Variants in ZBTB45 observed in about 807,000 individuals in gnomAD.
ZBTB45 encodes the protein zinc finger and BTB domain containing 45.
In ZBTB45, 22 loss-of-function variants were observed where a neutral mutation model predicts 28.4. That is an observed-to-expected ratio of 0.77 (90% CI 0.55 to 1.10). The LOEUF is 1.10. Ranked by LOEUF, ZBTB45 falls within the 50% of genes least tolerant of loss-of-function variation. ZBTB45 has a pLI of 0.00. For missense variants in ZBTB45, 656 were observed against 750.2 expected, an observed-to-expected ratio of 0.87 and a Z score of 1.47; for synonymous variants, 361 against 332.3, an observed-to-expected ratio of 1.09 and a Z score of -0.94.
At position 58,514,229 on chromosome 19, in the gene ZBTB45, G is replaced by C; in HGVS notation, c.1361C>G (p.Thr454Ser). ...DYLLKHMVTH[T>S]GVRAFQCAVC... ...GGCGCACTGGAAGGCGCGCACGCCGGTGTGCGTGACCATGTGTTTGAGCAG... is the reference window on the plus strand; with the variant it reads ...GGCGCACTGGAAGGCGCGCACGCCGCTGTGCGTGACCATGTGTTTGAGCAG... Residue 454 changes from threonine (T) to serine (S), a missense_variant, in exon 3 of 3, where the codon ACC becomes AGC. Around this residue, in one of 3 missense-constraint regions of ZBTB45, gnomAD observed 103 missense variants for 153.5 expected, o/e 0.67. Coordinates refer to ENST00000594051, the MANE Select transcript of ZBTB45 (RefSeq NM_001316979.2). The C allele has an allele frequency of 6.2e-7, 1 of 1,612,686 alleles. No homozygotes were observed. The highest frequency in any genetic ancestry group is 8.5e-7 in the Non-Finnish European group (1 of 1,179,670).
rs147115651 is a variant in ZBTB45 at position 58,516,441 on chromosome 19, C to T, written c.1233G>A (p.Thr411=). 196 of 1,614,016 alleles carry T rather than the reference C, an allele frequency of 1.2e-4. No homozygotes were observed. In the East Asian group the frequency reaches 1.9e-3, roughly 16 times the overall value. Residue 411 remains threonine, a synonymous_variant, in exon 2 of 3, where the codon ACG becomes ACA. Transcript: ENST00000594051. This position sits in a 1 kb window ranked among gnomAD's most constrained non-coding sequence, Gnocchi z 6.2. ...TGGTGTAGTTTTTCCGGGAGCTGAA[C>T]GTCTTGCGACAGTGGCTGCACTCAT... ...PTYECSHCRK[T]FSSRKNYTKH... is the part of the protein sequence containing the mutation.
intron 1 of ZBTB45, among the ~76,000 whole-genome samples, chr19:58,527,723 T>A (rs1247085582): frequency 6.6e-6 from 1 of 152,178 alleles, no homozygotes; most frequent in Non-Finnish European, 1.5e-5. Flanking sequence ...GGCCAAGGCC[T>A]CAGTCCAGGA....
At chr19:58,535,099 C>T (rs2053653845) in intron 1 of ZBTB45, among the ~76,000 whole-genome samples, 1 of 151,636 alleles carries the variant, frequency 6.6e-6, no homozygotes. Context: ...TCTCGAACTC[C>T]TGACCTCATG....
At chr19:58,523,950 T>C (rs2053591907), upstream of ZBTB45, among the ~76,000 whole-genome samples, 1 of 117,808 alleles carries the variant, frequency 8.5e-6, no homozygotes. Context: ...AGCAGGGGCC[T>C]GTAGTCCCAG....
Position 58,514,006 on chromosome 19 carries a change from T to G in ZBTB45, c.*48A>C, listed in dbSNP as rs2122544094. 1 of 1,366,880 alleles carries G rather than the reference T, an allele frequency of 7.3e-7. No homozygotes were observed. The highest frequency in any genetic ancestry group is 3.0e-5 in the East Asian group (1 of 33,732). The allele number at this position is 1,366,880 out of a possible 1,614,324, so 84.7% of individuals were successfully genotyped here. A position where few individuals can be genotyped will look rare whatever the true frequency, so the allele number is the denominator to read the frequency against. ...GTCCCGCAGCGGGCGTGGCCGACTG[T>G]GCGGGAGGCCCCGGATCCACCGTGG... On this transcript the variant is annotated 3_prime_UTR_variant, in exon 3 of 3. Transcript: ENST00000594051.
chr19:58,514,386 C>CT, intron 2 of ZBTB45, 76 bp from the exon 3 acceptor site: 2 of 1,461,612 alleles, frequency 1.4e-6, no homozygotes, highest in Non-Finnish European at 1.8e-6. Flanking sequence ...CCACCCCCAC[C>CT]TGGGCTCCTG....
chr19:58,521,446 A>C (rs1459752323), upstream of ZBTB45, among the ~76,000 whole-genome samples: 1 of 151,946 alleles, frequency 6.6e-6, no homozygotes, highest in Non-Finnish European at 1.5e-5. Context: ...TTCCGCCCAC[A>C]ACCTGAATGA....
intron 1 of ZBTB45, among the ~76,000 whole-genome samples, chr19:58,529,551 C>G (rs948071231): frequency 1.3e-5 from 2 of 152,206 alleles, no homozygotes; most frequent in African/African-American, 4.8e-5. Flanking sequence ...TTTCTCCCCT[C>G]TCCTCAGTCC....
At chr19:58,536,836 T>G (rs2053662994) in intron 1 of ZBTB45, among the ~76,000 whole-genome samples, 1 of 152,100 alleles carries the variant, frequency 6.6e-6, no homozygotes, top group Non-Finnish European at 1.5e-5. Context: ...TCAGGTGGCC[T>G]GGGTGCAGTC....
At chr19:58,521,843 G>T (rs1033324496), upstream of ZBTB45, among the ~76,000 whole-genome samples, 1 of 152,106 alleles carries the variant, frequency 6.6e-6, no homozygotes, top group Non-Finnish European at 1.5e-5. Flanking sequence ...CCAGAGGACA[G>T]AGGGACTCGG....
Position 58,515,956 on chromosome 19 carries a change from T to C in ZBTB45, c.1279+439A>G, listed in dbSNP as rs2053487224. Among the ~76,000 whole-genome samples, 1 of 152,122 alleles carries C rather than the reference T, an allele frequency of 6.6e-6. No homozygotes were observed. The highest frequency in any genetic ancestry group is 6.5e-5 in the Admixed American group (1 of 15,276). ...CTTCATCCCACCACCTCTGAGGGCTTTCTACCCCTGGGCCTGTAAACCCAT... is the reference window on the plus strand; with the variant it reads ...CTTCATCCCACCACCTCTGAGGGCTCTCTACCCCTGGGCCTGTAAACCCAT... On this transcript the variant is annotated intron_variant, in intron 2 of 2. Coordinates refer to ENST00000594051, the MANE Select transcript of ZBTB45 (RefSeq NM_001316979.2). This position sits in a 1 kb window ranked among gnomAD's most constrained non-coding sequence, Gnocchi z 4.7.
chr19:58,538,245 C>T (rs2053671570), intron 1 of ZBTB45, among the ~76,000 whole-genome samples: 2 of 151,572 alleles, frequency 1.3e-5, no homozygotes, highest in South Asian at 2.1e-4. Flanking sequence ...GACAGGGCCT[C>T]GCTCTGCAGT....
intron 1 of ZBTB45, among the ~76,000 whole-genome samples, chr19:58,526,959 C>G (rs1440318397): frequency 6.6e-6 from 1 of 152,150 alleles, no homozygotes; most frequent in African/African-American, 2.4e-5. Flanking sequence ...TCCCGAGAAG[C>G]TGGGACTACA....
At chr19:58,535,412 A>G (rs1235585093) in intron 1 of ZBTB45, among the ~76,000 whole-genome samples, 1 of 151,662 alleles carries the variant, frequency 6.6e-6, no homozygotes, top group African/African-American at 2.4e-5. Flanking sequence ...AGGCAGGTGG[A>G]TCACCTGAGA....
upstream of ZBTB45, among the ~76,000 whole-genome samples, chr19:58,522,884 A>C (rs1026808766): frequency 3.3e-5 from 5 of 152,126 alleles, no homozygotes; most frequent in African/African-American, 1.2e-4. Context: ...GAGGGGGGGA[A>C]GCCATGTCCC....
chr19:58,517,495 T>A lies in ZBTB45; in HGVS notation c.179A>T (p.Asp60Val). Residue 60 changes from aspartate (D) to valine (V), a missense_variant, in exon 2 of 3, where the codon GAC becomes GTC. Around this residue, in one of 3 missense-constraint regions of ZBTB45, gnomAD observed 105 missense variants for 152.4 expected, o/e 0.69. Transcript: ENST00000594051. ...VLAAGSPFFQ[D>V]KLLLGHSEIR... is the part of the protein sequence containing the mutation. ...CTCAGAGTGGCCGAGCAGCAGCTTG[T>A]CTTGGAAGAAGGGTGAGCCGGCCGC... The A allele has an allele frequency of 6.2e-7, 1 of 1,613,262 alleles. No homozygotes were observed. The highest frequency in any genetic ancestry group is 8.5e-7 in the Non-Finnish European group (1 of 1,179,972).
intron 1 of ZBTB45, among the ~76,000 whole-genome samples, chr19:58,529,172 G>A (rs577759684): frequency 7.2e-5 from 11 of 152,224 alleles, no homozygotes; most frequent in African/African-American, 2.6e-4. Flanking sequence ...GGATGTGGTG[G>A]CTCACATCTG....
At chr19:58,524,387 A>AT (rs1464476593), upstream of ZBTB45, among the ~76,000 whole-genome samples, 1 of 140,962 alleles carries the variant, frequency 7.1e-6, no homozygotes, top group Non-Finnish European at 1.6e-5. Flanking sequence ...AATAATAATA[A>AT]AAAGAATGTG....
intron 1 of ZBTB45, among the ~76,000 whole-genome samples, chr19:58,532,605 G>C (rs1443400429): frequency 6.6e-6 from 1 of 152,156 alleles, no homozygotes; most frequent in Non-Finnish European, 1.5e-5. Context: ...GGAGTGCAGT[G>C]TCACAATCTC....
Sources: allele counts gnomAD v4.1 joint callset (sites outside exome capture counted in the v4.1 genomes callset), GRCh38; gene constraint gnomAD v4.1.1; regional missense constraint gnomAD v4.1.1; non-coding constraint Gnocchi (gnomAD v3.1); transcripts MANE v1.5; gene names NCBI Gene and HGNC (gene_info 2026-07-23, HGNC 2026-07-21).